Variants in TNXB observed in about 807,000 individuals in gnomAD.
TNXB encodes tenascin-X.
TNXB carries 183 observed loss-of-function variants against 340.5 expected under a neutral mutation model. The ratio of observed to expected loss-of-function variants is 0.54; its 90% confidence interval spans 0.48 to 0.61. TNXB has a LOEUF of 0.61. TNXB is among the 20% of genes least tolerant of loss of function. TNXB has a pLI of 0.00. For synonymous variants in TNXB, 2,121 were observed against 2,314.5 expected, an observed-to-expected ratio of 0.92 and a Z score of 2.40; for missense variants, 4,613 against 5,446.4, an observed-to-expected ratio of 0.85 and a Z score of 4.82.
At position 32,082,454 on chromosome 6, in the gene TNXB, G is replaced by T; in HGVS notation, c.3446-128C>A. The stretch of plus-strand genomic sequence containing the variant: ...CTGCACAAAAGTGCATTTGCTGAGG[G>T]AGTACAGAGGGACTGAAATCCAGCC... On this transcript the variant is annotated intron_variant, in intron 8 of 43. Transcript: ENST00000644971. This position sits in a 1 kb window ranked among gnomAD's most constrained non-coding sequence, Gnocchi z 5.0. 1 of 959,570 alleles carries T rather than the reference G, an allele frequency of 1.0e-6. No individual in the cohort carries two copies. The highest frequency in any genetic ancestry group is 1.5e-6 in the Non-Finnish European group (1 of 652,902). 59.4% of individuals were successfully genotyped at this position (959,570 alleles called of 1,614,324 possible).
chr6:32,049,090 A>C lies in TNXB; in HGVS notation c.9757+180T>G, dbSNP rs1333319259. ...AGCTACAACAAACAGGGCATGGACT[A>C]CCTGCCCATCTGACTCCACACAGTC... is the stretch of plus-strand genomic sequence containing the variant. On this transcript the variant is annotated intron_variant, in intron 28 of 43. Transcript: ENST00000644971. This position sits in a 1 kb window ranked among gnomAD's most constrained non-coding sequence, Gnocchi z 4.5. 6.6e-6 allele frequency among the ~76,000 whole-genome samples: 1 copy of C among 152,196 alleles called. No individual in the cohort carries two copies. The highest frequency in any genetic ancestry group is 2.4e-5 in the African/African-American group (1 of 41,446).
Position 32,070,023 on chromosome 6 carries a change from C to T in TNXB, c.5278+104G>A, listed in dbSNP as rs115085395. The T allele has an allele frequency of 1.2e-3, 1,728 of 1,415,794 alleles. 19 individuals are homozygous for T. In the African/African-American group the frequency reaches 0.022, roughly 18 times the overall value. 87.7% of individuals were successfully genotyped at this position (1,415,794 alleles called of 1,614,324 possible). ...GGGACGTGGGGAGCTGGATCTGAGC[C>T]GAGTGGCTGGGGCCAAATAATGGTA... On this transcript the variant is annotated intron_variant, in intron 14 of 43. Coordinates refer to ENST00000644971, the MANE Select transcript of TNXB (RefSeq NM_001365276.2). This position sits in a 1 kb window ranked among gnomAD's most constrained non-coding sequence, Gnocchi z 6.0.
chr6:32,070,064 A>G lies in TNXB; in HGVS notation c.5278+63T>C. 1 of 1,474,074 alleles carries G rather than the reference A, an allele frequency of 6.8e-7. No homozygotes were observed. Among genetic ancestry groups the G allele is most frequent in the East Asian group, 2.3e-5 (1 of 42,722 alleles). The allele number at this position is 1,474,074 out of a possible 1,614,324, so 91.3% of individuals were successfully genotyped here. On this transcript the variant is annotated intron_variant, in intron 14 of 43. Transcript: ENST00000644971. The surrounding 1 kb of genome is among the most constrained non-coding windows in gnomAD (Gnocchi z 6.0). Reference sequence around the variant, plus strand: ...AATAATGGTAATGGCAGCCACCACAAGTGACCGTCTGCTGCTTGGCCTGAG... The same window carrying G: ...AATAATGGTAATGGCAGCCACCACAGGTGACCGTCTGCTGCTTGGCCTGAG...
Position 32,051,545 on chromosome 6 carries a change from T to C in TNXB, c.9115+1125A>G, listed in dbSNP as rs912101129. ...TGGAAGCAACCCAGATGTCCATCAA[T>C]GGATGAAAGGATGAGCAAAGTGTGG... is the stretch of plus-strand genomic sequence containing the variant. On this transcript the variant is annotated intron_variant, in intron 26 of 43. Transcript: ENST00000644971. This position sits in a 1 kb window ranked among gnomAD's most constrained non-coding sequence, Gnocchi z 4.7. Among the ~76,000 whole-genome samples the C allele has an allele frequency of 6.6e-6, 1 of 152,160 alleles. No individual in the cohort carries two copies. Among genetic ancestry groups the C allele is most frequent in the Non-Finnish European group, 1.5e-5 (1 of 68,022 alleles).
intron 1 of TNXB, among the ~76,000 whole-genome samples, chr6:32,103,187 A>T (rs149235964): frequency 4.9e-4 from 74 of 152,132 alleles, no homozygotes; most frequent in African/African-American, 1.6e-3. Flanking sequence ...TTGGGAGGCC[A>T]AGGTAGGCGG....
intron 11 of TNXB, among the ~76,000 whole-genome samples, chr6:32,076,839 G>A (rs1432810034): frequency 1.3e-5 from 2 of 152,076 alleles, no homozygotes; most frequent in East Asian, 1.9e-4. Flanking sequence ...AAAATTAGCC[G>A]GGTGTGGTGG....
intron 31 of TNXB, chr6:32,045,933 C>G: frequency 8.0e-7 from 1 of 1,257,498 alleles, no homozygotes; most frequent in Non-Finnish European, 1.0e-6. Context: ...GGGGCAGAGT[C>G]GGGGCTGGGA....
rs1180233355 is a variant in TNXB at position 32,067,334 on chromosome 6, T to C, written c.6544+327A>G. 2.0e-5 allele frequency among the ~76,000 whole-genome samples: 3 copies of C among 152,198 alleles called. No homozygotes were observed. Among genetic ancestry groups the C allele is most frequent in the Non-Finnish European group, 4.4e-5 (3 of 68,048 alleles). On this transcript the variant is annotated intron_variant, in intron 18 of 43. Coordinates refer to ENST00000644971, the MANE Select transcript of TNXB (RefSeq NM_001365276.2). This position sits in a 1 kb window ranked among gnomAD's most constrained non-coding sequence, Gnocchi z 4.2. ...TGAAATTTTATTTAACAAATACTTA[T>C]TAATTTAATTAATTTGTATTTCAAA...
rs867404708 is a variant in TNXB at position 32,085,330 on chromosome 6, T to C, written c.3148+420A>G. On this transcript the variant is annotated intron_variant, in intron 7 of 43. Transcript: ENST00000644971. The surrounding 1 kb of genome is among the most constrained non-coding windows in gnomAD (Gnocchi z 6.4). Reference sequence around the variant, plus strand: ...AAACCAGGCTCCCAGGGACGAGGTATTGGGGGCTGAGGGTCAGTGTCCAGA... The same window carrying C: ...AAACCAGGCTCCCAGGGACGAGGTACTGGGGGCTGAGGGTCAGTGTCCAGA... 2.0e-5 allele frequency among the ~76,000 whole-genome samples: 3 copies of C among 152,060 alleles called. No homozygotes were observed. Among genetic ancestry groups the C allele is most frequent in the Admixed American group, 2.0e-4 (3 of 15,262 alleles).
chr6:32,051,793 C>T lies in TNXB; in HGVS notation c.9115+877G>A, dbSNP rs1777296681. On this transcript the variant is annotated intron_variant, in intron 26 of 43. Coordinates refer to ENST00000644971, the MANE Select transcript of TNXB (RefSeq NM_001365276.2). This position sits in a 1 kb window ranked among gnomAD's most constrained non-coding sequence, Gnocchi z 4.7. ...GACTGATGCTACGACATAGATGAAC[C>T]TTAAAGACATTGTATTTAATGAAAT... 6.6e-6 allele frequency among the ~76,000 whole-genome samples: 1 copy of T among 151,830 alleles called. No individual in the cohort carries two copies. The highest frequency in any genetic ancestry group is 1.5e-5 in the Non-Finnish European group (1 of 67,964).
In TNXB at chr6:32,048,320, G is replaced by T. The variant is rs372519406; in HGVS notation, c.10045+43C>A. 1.8e-5 allele frequency: 27 copies of T among 1,471,412 alleles called. No individual in the cohort carries two copies. The African/African-American group carries it at 3.7e-4, about 20-fold the overall frequency. The allele number at this position is 1,471,412 out of a possible 1,614,324, so 91.1% of individuals were successfully genotyped here. A position where few individuals can be genotyped will look rare whatever the true frequency, so the allele number is the denominator to read the frequency against. On this transcript the variant is annotated intron_variant, in intron 29 of 43. Coordinates refer to ENST00000644971, the MANE Select transcript of TNXB (RefSeq NM_001365276.2). ...TGAAATTCCAACAGGTGCCACAAGG[G>T]GGCGAAGGCTCTGGCCGCGGGAGGC...
Position 32,085,671 on chromosome 6 carries a change from A to G in TNXB, c.3148+79T>C. ...GCCCTTCACTGGCCCCTCAATATCC[A>G]TCCTACCTCTGAAGTCCCAATAACC... is the stretch of plus-strand genomic sequence containing the variant. On this transcript the variant is annotated intron_variant, in intron 7 of 43. Transcript: ENST00000644971. This position sits in a 1 kb window ranked among gnomAD's most constrained non-coding sequence, Gnocchi z 6.4. 1 of 1,439,460 alleles carries G rather than the reference A, an allele frequency of 6.9e-7. No individual in the cohort carries two copies. Among genetic ancestry groups the G allele is most frequent in the Non-Finnish European group, 9.2e-7 (1 of 1,091,168 alleles). 89.2% of individuals were successfully genotyped at this position (1,439,460 alleles called of 1,614,324 possible).
chr6:32,093,258 G>C lies in TNXB; in HGVS notation c.2358+1818C>G, dbSNP rs543285904. On this transcript the variant is annotated intron_variant, in intron 4 of 43. Transcript: ENST00000644971. ...TGTTAGCAGTGCTTGTTTTAGTGAG[G>C]AGCAGCCAGGAATTGTTTTTCTTTT... The C allele has an allele frequency of 1.5e-4, 100 of 662,994 alleles. No individual in the cohort carries two copies. The African/African-American group carries it at 1.7e-3, about 11-fold the overall frequency. The allele number at this position is 662,994 out of a possible 1,614,324, so 41.1% of individuals were successfully genotyped here. A position where few individuals can be genotyped will look rare whatever the true frequency, so the allele number is the denominator to read the frequency against.
At position 32,072,177 on chromosome 6, in the gene TNXB, C is replaced by G; in HGVS notation, c.4803G>C (p.Glu1601Asp). 6.2e-7 allele frequency: 1 copy of G among 1,613,494 alleles called. No individual in the cohort carries two copies. The highest frequency in any genetic ancestry group is 1.3e-5 in the African/African-American group (1 of 75,038). The change falls in exon 13 of 44, where the codon GAG (glutamate) becomes GAC (aspartate). Residue 1601 changes from glutamate (E) to aspartate (D), a missense_variant. Glu to Asp is a conservative substitution (Grantham distance 45). Transcript: ENST00000644971. This position sits in a 1 kb window ranked among gnomAD's most constrained non-coding sequence, Gnocchi z 4.4. ...GAACCACAAAGGAGTCGAATTCACC[C>G]TCAGGGACTGTCCATGAGAGGCCCA... is the stretch of plus-strand genomic sequence containing the variant. Reference protein sequence around the residue: ...DSVGLSWTVPEGEFDSFVVQY... With the variant: ...DSVGLSWTVPDGEFDSFVVQY...
rs369739697 is a variant in TNXB at position 32,047,988 on chromosome 6, C to T, written c.10070G>A (p.Arg3357His). 59 of 1,609,224 alleles carry T rather than the reference C, an allele frequency of 3.7e-5. No individual in the cohort carries two copies. Among genetic ancestry groups the T allele is most frequent in the South Asian group, 2.0e-4 (18 of 90,546 alleles). ...ATCTGTCACAGTCAGCTCCCCCAGG[C>T]GGGGAGACGGTTTGGTGTCTGGGGC... ...RTAPDTKPSP[R>H]LGELTVTDAT... Residue 3357 changes from arginine to histidine, a missense_variant, in exon 30 of 44, where the codon CGC becomes CAC. By Grantham distance (29) the Arg-to-His change is conservative. Coordinates refer to ENST00000644971, the MANE Select transcript of TNXB (RefSeq NM_001365276.2). The surrounding 1 kb of genome is among the most constrained non-coding windows in gnomAD (Gnocchi z 6.2).
At chr6:32,093,057 T>G (rs1045307332) in intron 4 of TNXB, among the ~76,000 whole-genome samples, 27 of 152,266 alleles carry the variant, frequency 1.8e-4, no homozygotes, top group Non-Finnish European at 2.1e-4. Context: ...ATTTATTTAC[T>G]CAGAGCAGGA....
chr6:32,106,132 G>GC (rs999497279), intron 1 of TNXB, among the ~76,000 whole-genome samples: 2 of 115,682 alleles, frequency 1.7e-5, no homozygotes, highest in African/African-American at 6.6e-5. Flanking sequence ...GTAGGGGCAT[G>GC]GGGGGGGGGG....
rs746872943 is a variant in TNXB, at chr6:32,047,078, C to A, written c.10325-622G>T. 6.6e-6 allele frequency among the ~76,000 whole-genome samples: 1 copy of A among 152,194 alleles called. No individual in the cohort carries two copies. The highest frequency in any genetic ancestry group is 1.5e-5 in the Non-Finnish European group (1 of 68,008). ...ACAGAGGGCAGAGCAGAGGCTTGCC[C>A]GGGTGGGGCTGGGGCCGATGGGTGG... On this transcript the variant is annotated intron_variant, in intron 30 of 43. Coordinates refer to ENST00000644971, the MANE Select transcript of TNXB (RefSeq NM_001365276.2). The surrounding 1 kb of genome is among the most constrained non-coding windows in gnomAD (Gnocchi z 6.2).
chr6:32,068,819 C>T lies in TNXB; in HGVS notation c.5902+3G>A. 6.2e-7 allele frequency: 1 copy of T among 1,602,230 alleles called. No homozygotes were observed. Among genetic ancestry groups the T allele is most frequent in the African/African-American group, 1.3e-5 (1 of 74,866 alleles). On this transcript the variant is annotated splice_donor_region_variant and intron_variant, in intron 16 of 43. Coordinates refer to ENST00000644971, the MANE Select transcript of TNXB (RefSeq NM_001365276.2). This position sits in a 1 kb window ranked among gnomAD's most constrained non-coding sequence, Gnocchi z 5.3. Reference sequence around the variant, plus strand: ...AAGGAGGCATAGTGGGCAGAGTTCTCACCTGTCAGGGCCTCGACATGGACA... The same window carrying T: ...AAGGAGGCATAGTGGGCAGAGTTCTTACCTGTCAGGGCCTCGACATGGACA...
Sources: gnomAD v4.1 joint callset for allele counts (sites outside exome capture counted in the v4.1 genomes callset) on GRCh38, gnomAD v4.1.1 for gene constraint, Gnocchi (gnomAD v3.1) non-coding constraint, MANE v1.5 for transcripts, NCBI Gene and HGNC (gene_info 2026-07-23, HGNC 2026-07-21) for gene names.